Variants in ARHGEF7 observed in about 807,000 individuals in gnomAD.
ARHGEF7 encodes PAK-interacting exchange factor beta.
A neutral mutation model predicts 109.8 loss-of-function variants in ARHGEF7; 33 were observed. The ratio of observed to expected loss-of-function variants is 0.30; its 90% CI spans 0.23 to 0.40. The LOEUF is 0.40. ARHGEF7 is among the 10% of genes least tolerant of loss of function. ARHGEF7 has a pLI of 1.00. For missense variants in ARHGEF7, 938 were observed against 1,098.5 expected, an observed-to-expected ratio of 0.85 and a Z score of 2.07; for synonymous variants, 458 against 424.6, an observed-to-expected ratio of 1.08 and a Z score of -0.97.
At chr13:111,283,076 C>T in intron 15 of ARHGEF7, 63 bp from the exon 16 acceptor site, 1 of 1,520,250 alleles carries the variant, frequency 6.6e-7, no homozygotes, top group South Asian at 1.2e-5. Context: ...GTGATAAGTG[C>T]CCTTTCGCGG....
chr13:111,118,985 G>A (rs1442335134), intron 1 of ARHGEF7, among the ~76,000 whole-genome samples: 4 of 152,102 alleles, frequency 2.6e-5, no homozygotes, highest in Non-Finnish European at 5.9e-5. Flanking sequence ...GGATGTGGAG[G>A]CATTTGTCTC....
intron 2 of ARHGEF7, among the ~76,000 whole-genome samples, chr13:111,165,326 G>A (rs1235704066): frequency 6.6e-6 from 1 of 152,176 alleles, no homozygotes; most frequent in African/African-American, 2.4e-5. Flanking sequence ...AGATGTTCAT[G>A]CCTGGCCCAT....
chr13:111,260,366 G>A (rs1267506132), intron 8 of ARHGEF7, among the ~76,000 whole-genome samples: 1 of 152,202 alleles, frequency 6.6e-6, no homozygotes, highest in Non-Finnish European at 1.5e-5. Flanking sequence ...CCTAAAAGCA[G>A]AGAGAGAAAC....
At position 111,130,034 on chromosome 13, in the gene ARHGEF7, C is replaced by T. The variant is rs146231138; in HGVS notation, c.165+14343C>T. 2.7e-3 allele frequency among the ~76,000 whole-genome samples: 406 copies of T among 152,226 alleles called. 1 individual carries two copies. The highest frequency in any genetic ancestry group is 6.2e-3 in the African/African-American group (259 of 41,548). ...TGTGGTATATTCCTGTAATGGAACA[C>T]GGCTCAGCAATAAGAAGGAATATTC... is the stretch of plus-strand genomic sequence containing the variant. On this transcript the variant is annotated intron_variant, in intron 1 of 21. Coordinates refer to ENST00000646102, the MANE Select transcript of ARHGEF7 (RefSeq NM_001354046.2).
intron 2 of ARHGEF7, among the ~76,000 whole-genome samples, chr13:111,192,183 G>T (rs948794624): frequency 5.9e-5 from 9 of 152,116 alleles, no homozygotes; most frequent in African/African-American, 2.2e-4. Flanking sequence ...TGATGGTCCT[G>T]CAGGTTTCTC....
intron 16 of ARHGEF7, among the ~76,000 whole-genome samples, chr13:111,283,851 C>T (rs930716220): frequency 2.6e-5 from 4 of 152,128 alleles, no homozygotes; most frequent in Admixed American, 1.3e-4. Flanking sequence ...AGGCGGTTTC[C>T]CCCTTTGATG....
intron 19 of ARHGEF7, chr13:111,294,255 C>G: frequency 1.0e-6 from 1 of 985,404 alleles, no homozygotes; most frequent in Non-Finnish European, 1.2e-6. Flanking sequence ...ATACGGTAGT[C>G]CTCTGCGTCA....
Position 111,303,039 on chromosome 13 carries a change from A to G in ARHGEF7, c.2515A>G (p.Lys839Glu), listed in dbSNP as rs2093605711. Residue 839 changes from lysine to glutamate, a missense_variant, in exon 22 of 22, where the codon AAA becomes GAA. Transcript: ENST00000646102. ...TCTAGAGGAAGAACAGAGAGCCCGC[A>G]AAGACCTGGAGAAGCTGGTGAGGAA... ...KSLEEEQRAR[K>E]DLEKLVRKVL... 6.2e-7 allele frequency: 1 copy of G among 1,614,082 alleles called. No individual in the cohort carries two copies. Among genetic ancestry groups the G allele is most frequent in the Non-Finnish European group, 8.5e-7 (1 of 1,180,016 alleles).
chr13:111,163,546 C>T (rs2076901996), intron 2 of ARHGEF7, among the ~76,000 whole-genome samples: 1 of 152,048 alleles, frequency 6.6e-6, no homozygotes, highest in South Asian at 2.1e-4. Flanking sequence ...TTTTAGTTTT[C>T]ATTTTTAAAT....
Position 111,206,691 on chromosome 13 carries a change from G to A in ARHGEF7, c.337+1318G>A, listed in dbSNP as rs1394704229. On this transcript the variant is annotated intron_variant, in intron 3 of 21. Coordinates refer to ENST00000646102, the MANE Select transcript of ARHGEF7 (RefSeq NM_001354046.2). ...AATAAGAAAATCACAGCCGGGTGTGGTGGCTCATGCCTGTAATCCCAGCAC... is the reference window on the plus strand; with the variant it reads ...AATAAGAAAATCACAGCCGGGTGTGATGGCTCATGCCTGTAATCCCAGCAC... 8.5e-5 allele frequency among the ~76,000 whole-genome samples: 13 copies of A among 152,288 alleles called. No homozygotes were observed. In the East Asian group the frequency reaches 1.9e-3, roughly 23 times the overall value.
intron 1 of ARHGEF7, among the ~76,000 whole-genome samples, chr13:111,148,157 G>A (rs1301403693): frequency 6.6e-6 from 1 of 152,160 alleles, no homozygotes; most frequent in African/African-American, 2.4e-5. Flanking sequence ...TGCATTCACC[G>A]TGCTTATGCC....
intron 5 of ARHGEF7, among the ~76,000 whole-genome samples, chr13:111,232,272 A>G (rs1405033156): frequency 6.6e-6 from 1 of 152,138 alleles, no homozygotes; most frequent in Non-Finnish European, 1.5e-5. Flanking sequence ...GATGGACGCC[A>G]TACACTGTCT....
At chr13:111,201,428 G>C (rs964196106) in intron 2 of ARHGEF7, among the ~76,000 whole-genome samples, 10 of 152,218 alleles carry the variant, frequency 6.6e-5, no homozygotes, top group African/African-American at 2.2e-4. Context: ...TGAGAATAGA[G>C]TTGAGAAAGT....
chr13:111,275,820 G>A, intron 12 of ARHGEF7, 142 bp downstream of exon 12: 2 of 1,052,312 alleles, frequency 1.9e-6, no homozygotes, highest in South Asian at 2.8e-5. Flanking sequence ...TTTTATTCTT[G>A]ACACAGGAGA....
In ARHGEF7 at chr13:111,145,932, C is replaced by T. The variant is rs1447834236; in HGVS notation, c.166-7973C>T. 1.3e-5 allele frequency among the ~76,000 whole-genome samples: 2 copies of T among 152,148 alleles called. No homozygotes were observed. The highest frequency in any genetic ancestry group is 2.1e-4 in the South Asian group (1 of 4,828). Reference sequence around the variant, plus strand: ...CTAAGGTTCTTTGTTTCACTTACTCCGTGATGAGTGGATTTGGTGACCTAA... The same window carrying T: ...CTAAGGTTCTTTGTTTCACTTACTCTGTGATGAGTGGATTTGGTGACCTAA... On this transcript the variant is annotated intron_variant, in intron 1 of 21. Coordinates refer to ENST00000646102, the MANE Select transcript of ARHGEF7 (RefSeq NM_001354046.2). The surrounding 1 kb of genome is among the most constrained non-coding windows in gnomAD (Gnocchi z 4.3).
At chr13:111,188,835 T>C (rs1367951798) in intron 2 of ARHGEF7, among the ~76,000 whole-genome samples, 1 of 152,236 alleles carries the variant, frequency 6.6e-6, no homozygotes, top group Non-Finnish European at 1.5e-5. Flanking sequence ...TTAATGAGTT[T>C]TGATTTTGTT....
At chr13:111,286,626 T>C (rs1275064148) in intron 17 of ARHGEF7, among the ~76,000 whole-genome samples, 5 of 152,140 alleles carry the variant, frequency 3.3e-5, no homozygotes, top group South Asian at 2.1e-4. Context: ...TGACCTGCTG[T>C]GTTCTCCTGT....
rs1417458810 is a variant in ARHGEF7, at chr13:111,280,529, C to T, written c.1586-9C>T. 6.3e-7 allele frequency: 1 copy of T among 1,592,490 alleles called. No individual in the cohort carries two copies. Among genetic ancestry groups the T allele is most frequent in the Admixed American group, 1.8e-5 (1 of 55,994 alleles). ...TCCACTCGGCCTATTTTTTCCTTCT[C>T]TCCTATAGGGAGCATGATTGAGCGG... On this transcript the variant is annotated splice_polypyrimidine_tract_variant and intron_variant, in intron 14 of 21. Transcript: ENST00000646102.
At chr13:111,248,101 T>C (rs994590933) in intron 8 of ARHGEF7, among the ~76,000 whole-genome samples, 5 of 152,208 alleles carry the variant, frequency 3.3e-5, no homozygotes, top group African/African-American at 9.6e-5. Flanking sequence ...ACAAACATGA[T>C]CTTGGATTTT....
Sources: allele counts gnomAD v4.1 joint callset (sites outside exome capture counted in the v4.1 genomes callset), GRCh38; gene constraint gnomAD v4.1.1; non-coding constraint Gnocchi (gnomAD v3.1); transcripts MANE v1.5; gene names NCBI Gene and HGNC (gene_info 2026-07-23, HGNC 2026-07-21).